CNBD1: variants seen among roughly 807,000 people sequenced by gnomAD.
CNBD1 encodes cyclic nucleotide binding domain containing 1, also known as cyclic nucleotide-binding domain-containing protein 1.
CNBD1 carries 71 observed loss-of-function variants against 54.4 expected under a neutral mutation model. The observed-to-expected ratio is 1.30, with a 90% CI of 1.08 to 1.59. The LOEUF (loss-of-function observed/expected upper bound fraction) is 1.59, where lower values mean the gene tolerates loss of function less well. Ranked by LOEUF, CNBD1 falls within the 40% of genes most tolerant of loss-of-function variation. CNBD1 has a pLI of 0.00. For missense variants in CNBD1, 659 were observed against 518.0 expected (o/e 1.27, Z -2.64); for synonymous variants, 182 against 170.7 (o/e 1.07, Z -0.51).
chr8:87,074,622 G>A (rs1358830181), intron 4 of CNBD1, among the ~76,000 whole-genome samples: 1 of 152,168 alleles, frequency 6.6e-6, no homozygotes, highest in Non-Finnish European at 1.5e-5. Context: ...TGAGAGAAGT[G>A]TGGTTTCCTG....
At chr8:87,060,924 A>G (rs1810530956) in intron 4 of CNBD1, among the ~76,000 whole-genome samples, 1 of 152,170 alleles carries the variant, frequency 6.6e-6, no homozygotes, top group South Asian at 2.1e-4. Flanking sequence ...CTGGTCACCA[A>G]TAAATATTCC....
chr8:87,080,030 T>C (rs1003399990), intron 4 of CNBD1, among the ~76,000 whole-genome samples: 4 of 152,206 alleles, frequency 2.6e-5, no homozygotes, highest in Admixed American at 6.5e-5. Context: ...TCCATATTGA[T>C]ATTCATTAGT....
chr8:87,103,387 T>C (rs1755558379), intron 4 of CNBD1, among the ~76,000 whole-genome samples: 1 of 152,232 alleles, frequency 6.6e-6, no homozygotes, highest in South Asian at 2.1e-4. Flanking sequence ...CTTATTCCAT[T>C]TTACAAGTCA....
chr8:87,146,127 A>G (rs1366679669), intron 4 of CNBD1, among the ~76,000 whole-genome samples: 1 of 152,092 alleles, frequency 6.6e-6, no homozygotes, highest in African/African-American at 2.4e-5. Context: ...AATAGTGCCC[A>G]GTGTCCTCTG....
At position 87,369,356 on chromosome 8, in the gene CNBD1, G is replaced by C. The variant is rs957157567; in HGVS notation, c.1304-13264G>C. Among the ~76,000 whole-genome samples, 27 of 152,004 alleles carry C rather than the reference G, an allele frequency of 1.8e-4. 3 individuals are homozygous for C. Among genetic ancestry groups the C allele is most frequent in the Admixed American group, 1.4e-3 (22 of 15,230 alleles). On this transcript the variant is annotated intron_variant, in intron 10 of 10. Transcript: ENST00000518476. Reference sequence around the variant, plus strand: ...TTTTGTGATTGAAAAGAGTTCCAGTGTATATTTATATTGTGTTTTATACTT... The same window carrying C: ...TTTTGTGATTGAAAAGAGTTCCAGTCTATATTTATATTGTGTTTTATACTT...
intron 4 of CNBD1, among the ~76,000 whole-genome samples, chr8:87,004,450 T>C (rs1809054572): frequency 6.6e-6 from 1 of 152,222 alleles, no homozygotes; most frequent in South Asian, 2.1e-4. Flanking sequence ...ATTTCTCATA[T>C]GTGTAAATAT....
chr8:87,330,856 T>A (rs1211016309), intron 8 of CNBD1, among the ~76,000 whole-genome samples: 2 of 152,170 alleles, frequency 1.3e-5, no homozygotes, highest in African/African-American at 4.8e-5. Context: ...GAAATACATA[T>A]ATATAAAATG....
In CNBD1 at chr8:86,977,065, C is replaced by G. The variant is rs918811711; in HGVS notation, c.431+37311C>G. ...CTAGAATTTCCATTACTATGCTGAA[C>G]AGAAGTGGTGAGAGTGGATATTCTT... On this transcript the variant is annotated intron_variant, in intron 4 of 10. Coordinates refer to ENST00000518476, the MANE Select transcript of CNBD1 (RefSeq NM_173538.3). Among the ~76,000 whole-genome samples the G allele has an allele frequency of 6.6e-5, 10 of 152,054 alleles. No individual in the cohort carries two copies. In the Middle Eastern group the frequency reaches 0.01, roughly 155 times the overall value.
At chr8:87,321,194 A>G (rs977673085) in intron 8 of CNBD1, among the ~76,000 whole-genome samples, 1 of 148,534 alleles carries the variant, frequency 6.7e-6, no homozygotes, top group African/African-American at 2.5e-5. Context: ...ATAAATATCC[A>G]GAAGTAAGAA....
chr8:87,079,873 G>A (rs1586241901), intron 4 of CNBD1, among the ~76,000 whole-genome samples: 2 of 152,158 alleles, frequency 1.3e-5, no homozygotes, highest in East Asian at 3.9e-4. Context: ...TGATATTTGT[G>A]TTGTAATTAA....
chr8:87,290,321 A>G (rs1347099381), intron 8 of CNBD1, among the ~76,000 whole-genome samples: 1 of 151,994 alleles, frequency 6.6e-6, no homozygotes, highest in African/African-American at 2.4e-5. Context: ...AGTCATTTTT[A>G]TTTGTTCCTG....
rs187814220 is a variant in CNBD1 at position 87,343,336 on chromosome 8, G to A, written c.1043-8349G>A. Reference sequence around the variant, plus strand: ...GGTACAGTTAACACAATCATCACAGGGTCCTGAGGTGACATACATCCTCAG... The same window carrying A: ...GGTACAGTTAACACAATCATCACAGAGTCCTGAGGTGACATACATCCTCAG... On this transcript the variant is annotated intron_variant, in intron 8 of 10. Coordinates refer to ENST00000518476, the MANE Select transcript of CNBD1 (RefSeq NM_173538.3). 3.9e-3 allele frequency among the ~76,000 whole-genome samples: 589 copies of A among 152,110 alleles called. 8 individuals carry two copies. The highest frequency in any genetic ancestry group is 0.013 in the African/African-American group (555 of 41,488).
chr8:86,901,459 A>T (rs1164902146), intron 2 of CNBD1, among the ~76,000 whole-genome samples: 3 of 152,224 alleles, frequency 2.0e-5, no homozygotes, highest in African/African-American at 4.8e-5. Flanking sequence ...TAAATATCTT[A>T]TTAAAAGCTT....
At chr8:87,035,053 A>C (rs1295454373) in intron 4 of CNBD1, among the ~76,000 whole-genome samples, 2 of 152,084 alleles carry the variant, frequency 1.3e-5, no homozygotes, top group Admixed American at 1.3e-4. Context: ...GAGTTGTCAT[A>C]ATTTTTAACC....
At chr8:86,868,944 C>CAA (rs1808402124) in intron 1 of CNBD1, among the ~76,000 whole-genome samples, 1 of 73,992 alleles carries the variant, frequency 1.4e-5, no homozygotes, top group Admixed American at 1.3e-4. Context: ...AAGAGGAAGG[C>CAA]GAGAGAGTCA....
At chr8:86,873,880 C>T (rs1169901831) in intron 1 of CNBD1, among the ~76,000 whole-genome samples, 2 of 152,172 alleles carry the variant, frequency 1.3e-5, no homozygotes, top group African/African-American at 2.4e-5. Flanking sequence ...AGCAATTTGA[C>T]ATTCCGTCAT....
Position 87,081,497 on chromosome 8 carries a change from T to G in CNBD1, c.432-124496T>G, listed in dbSNP as rs892471238. Among the ~76,000 whole-genome samples the G allele has an allele frequency of 2.7e-5, 4 of 147,526 alleles. 1 individual carries two copies. The Admixed American group carries it at 2.8e-4, about 10-fold the overall frequency. On this transcript the variant is annotated intron_variant, in intron 4 of 10. Coordinates refer to ENST00000518476, the MANE Select transcript of CNBD1 (RefSeq NM_173538.3). ...CTGTTATTGGGTGGACTATTTTTTG[T>G]TTTTTTTGTTTTTGTTTTTTTTTTT...
intron 4 of CNBD1, among the ~76,000 whole-genome samples, chr8:86,944,144 A>C (rs1169622706): frequency 2.0e-5 from 3 of 152,248 alleles, no homozygotes; most frequent in Non-Finnish European, 4.4e-5. Context: ...TTTCAGAAGA[A>C]GGGGGAAATG....
chr8:87,424,402 T>C (rs1448587602), intron 2 of CNBD1, among the ~76,000 whole-genome samples: 1 of 152,182 alleles, frequency 6.6e-6, no homozygotes, highest in Admixed American at 6.5e-5. Context: ...TGCTTTCTCT[T>C]GTGGGCATTT....
Sources: allele counts gnomAD v4.1 joint callset (sites outside exome capture counted in the v4.1 genomes callset), GRCh38; gene constraint gnomAD v4.1.1; transcripts MANE v1.5; gene names NCBI Gene and HGNC (gene_info 2026-07-23, HGNC 2026-07-21).